SMIM14: variants seen among roughly 807,000 people sequenced by gnomAD.
The protein encoded by SMIM14 is small integral membrane protein 14.
SMIM14 carries 5 observed loss-of-function variants against 12.6 expected under a neutral mutation model. That is an observed-to-expected ratio of 0.40 (90% CI 0.21 to 0.83). SMIM14 has a LOEUF of 0.83. Ranked by LOEUF, SMIM14 falls within the 40% of genes least tolerant of loss-of-function variation. The pLI is 0.37. For synonymous variants in SMIM14, 30 were observed against 40.1 expected (o/e 0.75, Z 0.95); for missense variants, 86 against 119.1 (o/e 0.72, Z 1.29).
At chr4:39,624,008 A>G (rs1461821379) in intron 1 of SMIM14, among the ~76,000 whole-genome samples, 1 of 152,238 alleles carries the variant, frequency 6.6e-6, no homozygotes, top group African/African-American at 2.4e-5. Context: ...TACATAACAG[A>G]AAACAGAGAT....
intron 1 of SMIM14, among the ~76,000 whole-genome samples, chr4:39,609,232 G>T (rs1714932994): frequency 6.6e-6 from 1 of 151,996 alleles, no homozygotes. Flanking sequence ...CGCCCGCCTT[G>T]GCCTCCCAAA....
chr4:39,592,661 TTTC>T (rs1478150799), intron 2 of SMIM14: 2 of 152,114 alleles, frequency 1.3e-5, no homozygotes, highest in African/African-American at 4.8e-5. Context: ...ATTTAAAGAT[TTTC>T]TTCTTCAGAA....
intron 2 of SMIM14, chr4:39,592,958 G>A (rs1339643463): frequency 2.6e-5 from 4 of 151,962 alleles, no homozygotes; most frequent in South Asian, 2.1e-4. Context: ...ATTCACAGCC[G>A]AATTCTACCA....
intron 2 of SMIM14, among the ~76,000 whole-genome samples, chr4:39,595,035 C>T (rs1355411598): frequency 5.5e-5 from 8 of 146,512 alleles, no homozygotes; most frequent in Non-Finnish European, 3.0e-5. Flanking sequence ...ACCATTTGAC[C>T]CAGCCATCCC....
At chr4:39,559,089 C>T (rs568707546) in intron 3 of SMIM14, among the ~76,000 whole-genome samples, 2 of 152,200 alleles carry the variant, frequency 1.3e-5, no homozygotes, top group Non-Finnish European at 2.9e-5. Flanking sequence ...GAGCTTTCTC[C>T]TTTTGCTTAT....
At position 39,621,249 on chromosome 4, in the gene SMIM14, A is replaced by G. The variant is rs1210174949; in HGVS notation, c.-35-16069T>C. On this transcript the variant is annotated intron_variant, in intron 1 of 4. Coordinates refer to ENST00000295958, the MANE Select transcript of SMIM14 (RefSeq NM_174921.3). Reference sequence around the variant, plus strand: ...AGAGAAAACAAAAAAGATAAATACAATGAAAAATATCAAATTTAGGACATA... The same window carrying G: ...AGAGAAAACAAAAAAGATAAATACAGTGAAAAATATCAAATTTAGGACATA... Among the ~76,000 whole-genome samples, 6 of 152,290 alleles carry G rather than the reference A, an allele frequency of 3.9e-5. 1 individual carries two copies. The East Asian group carries it at 9.6e-4, about 24-fold the overall frequency.
intron 2 of SMIM14, among the ~76,000 whole-genome samples, chr4:39,595,301 A>G (rs1714306679): frequency 6.7e-6 from 1 of 148,620 alleles, no homozygotes; most frequent in Non-Finnish European, 1.5e-5. Context: ...AACTATTGCA[A>G]GAACAAAAAA....
intron 1 of SMIM14, among the ~76,000 whole-genome samples, chr4:39,626,853 G>A (rs1715721549): frequency 6.6e-6 from 1 of 152,062 alleles, no homozygotes; most frequent in South Asian, 2.1e-4. Context: ...TGCAACACAT[G>A]ATTCTGTTAA....
intron 3 of SMIM14, 138 bp downstream of exon 3, chr4:39,572,277 C>CTT (rs71192876): frequency 0.015 from 3,216 of 210,714 alleles, 372 homozygotes; most frequent in African/African-American, 0.13. Context: ...GTATGTGTCG[C>CTT]TTTTTTTTTT....
chr4:39,579,575 G>A (rs1283722243), intron 2 of SMIM14, among the ~76,000 whole-genome samples: 1 of 152,176 alleles, frequency 6.6e-6, no homozygotes, highest in Middle Eastern at 3.4e-3. Flanking sequence ...CGGGAACAGG[G>A]CTCATGCTTG....
intron 3 of SMIM14, among the ~76,000 whole-genome samples, chr4:39,563,267 G>A (rs2109993741): frequency 6.6e-6 from 1 of 152,108 alleles, no homozygotes; most frequent in Non-Finnish European, 1.5e-5. Context: ...TCACCATGTT[G>A]ACCAGGCTGG....
intron 3 of SMIM14, among the ~76,000 whole-genome samples, chr4:39,567,412 TGGGCAACATGCAAAA>T (rs1712633942): frequency 6.6e-6 from 1 of 152,014 alleles, no homozygotes; most frequent in Non-Finnish European, 1.5e-5. Context: ...GAGACCAGCC[TGGGCAACATGCAAAA>T]CCCTGTCTCT....
intron 2 of SMIM14, among the ~76,000 whole-genome samples, chr4:39,573,425 G>A (rs1377052092): frequency 6.6e-6 from 1 of 152,062 alleles, no homozygotes; most frequent in Non-Finnish European, 1.5e-5. Flanking sequence ...AATGAATGCT[G>A]TCACAGAACG....
At chr4:39,604,108 T>C (rs76542578) in intron 2 of SMIM14, among the ~76,000 whole-genome samples, 1,958 of 152,030 alleles carry the variant, frequency 0.013, 39 homozygotes, top group African/African-American at 0.045. Context: ...GAACTGTCAA[T>C]AGCAGCTTAG....
intron 1 of SMIM14, among the ~76,000 whole-genome samples, chr4:39,606,915 G>A (rs1043191349): frequency 1.3e-5 from 2 of 152,078 alleles, no homozygotes; most frequent in Non-Finnish European, 2.9e-5. Context: ...AATAGTGTCC[G>A]AAATGAAAAA....
In SMIM14 at chr4:39,546,821, G is replaced by C. The variant is rs977475253; in HGVS notation, c.*5305C>G. On this transcript the variant is annotated 3_prime_UTR_variant, in exon 5 of 5. Transcript: ENST00000295958. ...AAACACTGACGTCAAAATCATGCCA[G>C]AGCAGTGTTACTATTTTTACATGTA... 6.6e-6 allele frequency: 1 copy of C among 152,206 alleles called. No individual in the cohort carries two copies. Among genetic ancestry groups the C allele is most frequent in the Non-Finnish European group, 1.5e-5 (1 of 68,034 alleles). 9.4% of individuals were successfully genotyped at this position (152,206 alleles called of 1,614,324 possible).
chr4:39,637,724 T>A (rs776371055), intron 1 of SMIM14, among the ~76,000 whole-genome samples: 3 of 152,006 alleles, frequency 2.0e-5, no homozygotes, highest in Non-Finnish European at 4.4e-5. Context: ...CCACCCTAAG[T>A]GGAAGGGAAT....
intron 1 of SMIM14, chr4:39,638,346 G>T: frequency 1.9e-6 from 1 of 536,828 alleles, no homozygotes; most frequent in Non-Finnish European, 2.4e-6. Context: ...GAGGGAGACG[G>T]TAAACAAGAT....
intron 2 of SMIM14, among the ~76,000 whole-genome samples, chr4:39,587,637 G>A (rs1009285118): frequency 6.6e-6 from 1 of 150,952 alleles, no homozygotes; most frequent in African/African-American, 2.5e-5. Flanking sequence ...CAGACTCTGT[G>A]GCTCATGCCT....
Sources: allele counts gnomAD v4.1 joint callset (sites outside exome capture counted in the v4.1 genomes callset), GRCh38; gene constraint gnomAD v4.1.1; transcripts MANE v1.5; gene names NCBI Gene and HGNC (gene_info 2026-07-23, HGNC 2026-07-21).